STARD13: variants seen among roughly 807,000 people sequenced by gnomAD.
The protein encoded by STARD13 is stAR-related lipid transfer protein 13.
STARD13 carries 62 observed loss-of-function variants against 106.4 expected under a neutral mutation model. That is an observed-to-expected ratio of 0.58 (90% CI 0.48 to 0.72). The LOEUF (loss-of-function observed/expected upper bound fraction) is 0.72, where lower values mean the gene tolerates loss of function less well. Ranked by LOEUF, STARD13 falls within the 30% of genes least tolerant of loss-of-function variation. STARD13 has a pLI of 0.00. For missense variants in STARD13, 1,387 were observed against 1,424.0 expected (o/e 0.97, Z 0.42); for synonymous variants, 565 against 553.0 (o/e 1.02, Z -0.31).
chr13:33,511,129 T>A, the STARD13 span, among the ~76,000 whole-genome samples: 17 of 152,010 alleles, frequency 1.1e-4, no homozygotes, highest in African/African-American at 4.1e-4. Context: ...CTGGCCAACA[T>A]GGCAAAACTC....
the STARD13 span, among the ~76,000 whole-genome samples, chr13:33,617,969 T>C: frequency 6.6e-6 from 1 of 152,182 alleles, no homozygotes; most frequent in Admixed American, 6.5e-5. Flanking sequence ...AATGGAGACA[T>C]TGGAGTTGCA....
chr13:33,266,981 T>C (rs981045184), intron 1 of STARD13, among the ~76,000 whole-genome samples: 12 of 152,240 alleles, frequency 7.9e-5, no homozygotes, highest in African/African-American at 2.7e-4. Context: ...TCTCTGTTTC[T>C]GAAATGTAGT....
the STARD13 span, among the ~76,000 whole-genome samples, chr13:33,646,358 T>C: frequency 1.3e-5 from 2 of 152,326 alleles, no homozygotes; most frequent in African/African-American, 2.4e-5. Context: ...CAGTGGTCCC[T>C]GTAAGGGAAA....
At chr13:33,483,841 C>G in the STARD13 span, among the ~76,000 whole-genome samples, 949 of 152,326 alleles carry the variant, frequency 6.2e-3, 12 homozygotes, top group African/African-American at 0.022. Flanking sequence ...GTGCTGCAAG[C>G]AATGGGACCT....
the STARD13 span, among the ~76,000 whole-genome samples, chr13:33,528,458 G>C: frequency 6.6e-6 from 1 of 150,640 alleles, no homozygotes; most frequent in Admixed American, 6.6e-5. Context: ...TATTTTTGTA[G>C]AGATGAGGTC....
chr13:33,352,553 T>C (rs2078088838), upstream of STARD13, among the ~76,000 whole-genome samples: 1 of 152,264 alleles, frequency 6.6e-6, no homozygotes, highest in African/African-American at 2.4e-5. Flanking sequence ...AATGACTAAT[T>C]TGAAGACTAA....
chr13:33,118,859 ACTTTTTCTT>A (rs1411158605), intron 7 of STARD13, among the ~76,000 whole-genome samples: 2 of 152,210 alleles, frequency 1.3e-5, no homozygotes, highest in Non-Finnish European at 2.9e-5. Flanking sequence ...GAATTTATTT[ACTTTTTCTT>A]CTTTGGAATT....
chr13:33,362,892 T>A, the STARD13 span, among the ~76,000 whole-genome samples: 4 of 152,222 alleles, frequency 2.6e-5, no homozygotes, highest in Admixed American at 2.6e-4. Context: ...CCTAGAGCAG[T>A]GTTTGATACA....
chr13:33,469,189 C>T, the STARD13 span, among the ~76,000 whole-genome samples: 2 of 152,086 alleles, frequency 1.3e-5, no homozygotes, highest in African/African-American at 2.4e-5. Context: ...ATTACTATTC[C>T]TCTTTCACAC....
the STARD13 span, among the ~76,000 whole-genome samples, chr13:33,478,632 C>A: frequency 1.3e-5 from 2 of 151,996 alleles, no homozygotes; most frequent in Non-Finnish European, 2.9e-5. Context: ...AGTAAAAGGT[C>A]AGGCTGGGCA....
At chr13:33,358,371 C>T in the STARD13 span, among the ~76,000 whole-genome samples, 4 of 152,220 alleles carry the variant, frequency 2.6e-5, no homozygotes, top group East Asian at 1.9e-4. Context: ...TGTAAGCGCA[C>T]GGCACAGGAC....
At chr13:33,318,564 A>T (rs1357110309) in intron 1 of STARD13, among the ~76,000 whole-genome samples, 1 of 152,158 alleles carries the variant, frequency 6.6e-6, no homozygotes, top group Non-Finnish European at 1.5e-5. Context: ...AGAAAAATAG[A>T]TTAATTGGAA....
At chr13:33,287,452 TC>T (rs1207492559), upstream of STARD13, among the ~76,000 whole-genome samples, 1 of 152,186 alleles carries the variant, frequency 6.6e-6, no homozygotes, top group Non-Finnish European at 1.5e-5. Flanking sequence ...CAGGTTGGCT[TC>T]ATGGCAGGAA....
intron 1 of STARD13, chr13:33,186,005 TG>T (rs779341133): frequency 6.2e-7 from 1 of 1,614,192 alleles, no homozygotes; most frequent in Non-Finnish European, 8.5e-7. Context: ...CATGGAGAAC[TG>T]AGGAGGGTTC....
At chr13:33,549,642 C>A in the STARD13 span, among the ~76,000 whole-genome samples, 1 of 152,134 alleles carries the variant, frequency 6.6e-6, no homozygotes, top group Non-Finnish European at 1.5e-5. Flanking sequence ...GATTAAGAAC[C>A]ATTTTGGCTA....
At chr13:33,343,845 C>G (rs371455761), downstream of STARD13, among the ~76,000 whole-genome samples, 21 of 152,018 alleles carry the variant, frequency 1.4e-4, no homozygotes, top group African/African-American at 4.8e-4. Flanking sequence ...TCTTTTCCTG[C>G]CAACAAAGCC....
At chr13:33,340,344 G>C (rs1315495366) in intron 1 of STARD13, among the ~76,000 whole-genome samples, 2 of 152,072 alleles carry the variant, frequency 1.3e-5, no homozygotes, top group African/African-American at 4.8e-5. Context: ...GGAGTAGCTA[G>C]GACAGGCACG....
chr13:33,461,790 A>T, the STARD13 span, among the ~76,000 whole-genome samples: 1 of 152,120 alleles, frequency 6.6e-6, no homozygotes, highest in Non-Finnish European at 1.5e-5. Flanking sequence ...TTTATGCAAA[A>T]TTTAAAACTG....
the STARD13 span, among the ~76,000 whole-genome samples, chr13:33,427,987 C>T: frequency 6.7e-6 from 1 of 150,292 alleles, no homozygotes; most frequent in Non-Finnish European, 1.5e-5. Flanking sequence ...GACACATAGA[C>T]CAATGGAACA....
Sources: allele counts gnomAD v4.1 joint callset (sites outside exome capture counted in the v4.1 genomes callset), GRCh38; gene constraint gnomAD v4.1.1; transcripts MANE v1.5; gene names NCBI Gene and HGNC (gene_info 2026-07-23, HGNC 2026-07-21).